The following PPARA variants were observed in gnomAD, a reference collection of about 807,000 sequenced individuals.
PPARA encodes peroxisome proliferator activated receptor alpha, also known as peroxisome proliferator-activated receptor alpha.
A neutral mutation model predicts 42.2 loss-of-function variants in PPARA; 22 were observed. The observed-to-expected ratio is 0.52, with a 90% CI of 0.37 to 0.74. PPARA has a LOEUF of 0.74. PPARA is among the 30% of genes least tolerant of loss of function. PPARA has a pLI of 0.00. For missense variants in PPARA, 465 were observed against 608.2 expected (o/e 0.76, Z 2.48); for synonymous variants, 242 against 239.3 (o/e 1.01, Z -0.10).
At position 46,234,789 on chromosome 22, in the gene PPARA, C is replaced by T. The variant is rs921479148; in HGVS notation, c.1160-344C>T. On this transcript the variant is annotated intron_variant, in intron 8 of 8. Coordinates refer to ENST00000407236, the MANE Select transcript of PPARA (RefSeq NM_005036.6). This position sits in a 1 kb window ranked among gnomAD's most constrained non-coding sequence, Gnocchi z 5.8. Reference sequence around the variant, plus strand: ...ATGCAAAACTGGTGGTTGTGATCTCCAGAATGTACTGTTCCTCCTACTAGC... The same window carrying T: ...ATGCAAAACTGGTGGTTGTGATCTCTAGAATGTACTGTTCCTCCTACTAGC... Among the ~76,000 whole-genome samples, 1 of 152,170 alleles carries T rather than the reference C, an allele frequency of 6.6e-6. No individual in the cohort carries two copies. The highest frequency in any genetic ancestry group is 1.5e-5 in the Non-Finnish European group (1 of 68,018).
rs34716781 is a variant in PPARA, at chr22:46,224,971, T to TG, written c.711+4966dup. 2.4e-3 allele frequency among the ~76,000 whole-genome samples: 329 copies of TG among 139,962 alleles called. 1 individual carries two copies. The Middle Eastern group carries it at 0.034, about 15-fold the overall frequency. The allele number at this position is 139,962 out of a possible 152,430, so 91.8% of individuals were successfully genotyped here. Reference sequence around the variant, plus strand: ...GCTGAGCTGGAACAGGCTAGAATGCTGGGGGGGGGCCTGAAACCGGTGGGG... The same window carrying TG: ...GCTGAGCTGGAACAGGCTAGAATGCTGGGGGGGGGGCCTGAAACCGGTGGGG... On this transcript the variant is annotated intron_variant, in intron 7 of 8. Transcript: ENST00000407236. This position sits in a 1 kb window ranked among gnomAD's most constrained non-coding sequence, Gnocchi z 5.7.
chr22:46,184,378 A>G lies in PPARA; in HGVS notation c.-43+7542A>G, dbSNP rs1334650893. 6.6e-6 allele frequency among the ~76,000 whole-genome samples: 1 copy of G among 152,238 alleles called. No individual in the cohort carries two copies. The highest frequency in any genetic ancestry group is 1.5e-5 in the Non-Finnish European group (1 of 68,040). ...CAAGTACCATGGGGAGACAGAGTCC[A>G]GAATCTCAGAGAGAGACACAGTTAC... On this transcript the variant is annotated intron_variant, in intron 3 of 8. Coordinates refer to ENST00000407236, the MANE Select transcript of PPARA (RefSeq NM_005036.6). The surrounding 1 kb of genome is among the most constrained non-coding windows in gnomAD (Gnocchi z 4.4).
Position 46,190,833 on chromosome 22 carries a change from A to C in PPARA, c.-42-7509A>C, listed in dbSNP as rs1931439860. On this transcript the variant is annotated intron_variant, in intron 3 of 8. Transcript: ENST00000407236. This position sits in a 1 kb window ranked among gnomAD's most constrained non-coding sequence, Gnocchi z 5.6. ...TGAGTGTCTGATCACATAGAATATA[A>C]AGATGTTTTGATAGTTGGGACAGTA... is the stretch of plus-strand genomic sequence containing the variant. Among the ~76,000 whole-genome samples, 1 of 152,176 alleles carries C rather than the reference A, an allele frequency of 6.6e-6. No homozygotes were observed. Among genetic ancestry groups the C allele is most frequent in the South Asian group, 2.1e-4 (1 of 4,834 alleles).
rs60894989 is a variant in PPARA, at chr22:46,217,819, C to CTTTTTTTTT, written c.370-423_370-415dup. Among the ~76,000 whole-genome samples the CTTTTTTTTT allele has an allele frequency of 2.0e-3, 153 of 77,066 alleles. 19 individuals carry two copies. Among genetic ancestry groups the CTTTTTTTTT allele is most frequent in the African/African-American group, 7.3e-3 (118 of 16,196 alleles). 50.6% of individuals were successfully genotyped at this position (77,066 alleles called of 152,430 possible). A position where few individuals can be genotyped will look rare whatever the true frequency, so the allele number is the denominator to read the frequency against. On this transcript the variant is annotated intron_variant, in intron 5 of 8. Transcript: ENST00000407236. The stretch of plus-strand genomic sequence containing the variant: ...GACTTCTTAGAAGAACTATTTCTTT[C>CTTTTTTTTT]TTTTTTTTTTTTTTTTTTTTTTTTT...
chr22:46,197,008 A>C (rs1932321132), intron 3 of PPARA, among the ~76,000 whole-genome samples: 1 of 151,504 alleles, frequency 6.6e-6, no homozygotes, highest in Non-Finnish European at 1.5e-5. Context: ...GGCATGAGCC[A>C]CTGCACCCGA....
rs1930380815 is a variant in PPARA at position 46,184,423 on chromosome 22, G to A, written c.-43+7587G>A. 6.6e-6 allele frequency among the ~76,000 whole-genome samples: 1 copy of A among 152,166 alleles called. No homozygotes were observed. ...AGTTACCTTTTAGTTACACTAATGG[G>A]GAAAACAGGAGCTTTGCTACCCTTG... On this transcript the variant is annotated intron_variant, in intron 3 of 8. Transcript: ENST00000407236. The surrounding 1 kb of genome is among the most constrained non-coding windows in gnomAD (Gnocchi z 4.4).
chr22:46,238,619 C>T lies in PPARA; in HGVS notation c.*3239C>T, dbSNP rs41418950. 6 of 152,368 alleles carry T rather than the reference C, an allele frequency of 3.9e-5. No individual in the cohort carries two copies. Among genetic ancestry groups the T allele is most frequent in the Admixed American group, 2.0e-4 (3 of 15,300 alleles). 9.4% of individuals were successfully genotyped at this position (152,368 alleles called of 1,614,324 possible). Reference sequence around the variant, plus strand: ...CAGAGACCTAACAGCCTTGGTCTACCGTGCTGACCAGGGTGAAGGCACGGC... The same window carrying T: ...CAGAGACCTAACAGCCTTGGTCTACTGTGCTGACCAGGGTGAAGGCACGGC... On this transcript the variant is annotated 3_prime_UTR_variant, in exon 9 of 9. Transcript: ENST00000407236. The surrounding 1 kb of genome is among the most constrained non-coding windows in gnomAD (Gnocchi z 8.3).
chr22:46,151,412 TG>T (rs1368878032), intron 1 of PPARA, among the ~76,000 whole-genome samples: 2 of 152,118 alleles, frequency 1.3e-5, no homozygotes, highest in Non-Finnish European at 1.5e-5. Flanking sequence ...GCGGCCCGCG[TG>T]GTGCGGGTGA....
chr22:46,231,650 G>A lies in PPARA; in HGVS notation c.712-142G>A. ...CCAACCGATTTTGAAGTTGAGTAAG[G>A]ACTATGTTCCGCGGGTATCTTGAGT... On this transcript the variant is annotated intron_variant, in intron 7 of 8. Transcript: ENST00000407236. The surrounding 1 kb of genome is among the most constrained non-coding windows in gnomAD (Gnocchi z 7.7). The A allele has an allele frequency of 1.2e-6, 1 of 815,568 alleles. No individual in the cohort carries two copies. The highest frequency in any genetic ancestry group is 2.1e-6 in the Non-Finnish European group (1 of 483,130). 50.5% of individuals were successfully genotyped at this position (815,568 alleles called of 1,614,324 possible).
At position 46,187,918 on chromosome 22, in the gene PPARA, G is replaced by A. The variant is rs991537791; in HGVS notation, c.-42-10424G>A. On this transcript the variant is annotated intron_variant, in intron 3 of 8. Transcript: ENST00000407236. This position sits in a 1 kb window ranked among gnomAD's most constrained non-coding sequence, Gnocchi z 4.9. ...AAAGGACACTGCCTAACTTACAAATGAGGTCTACCTTAAGAGGCTTTGCAG... is the reference window on the plus strand; with the variant it reads ...AAAGGACACTGCCTAACTTACAAATAAGGTCTACCTTAAGAGGCTTTGCAG... 6.6e-6 allele frequency among the ~76,000 whole-genome samples: 1 copy of A among 152,204 alleles called. No homozygotes were observed. Among genetic ancestry groups the A allele is most frequent in the Admixed American group, 6.5e-5 (1 of 15,276 alleles).
Position 46,193,388 on chromosome 22 carries a change from C to T in PPARA, c.-42-4954C>T, listed in dbSNP as rs555056728. On this transcript the variant is annotated intron_variant, in intron 3 of 8. Transcript: ENST00000407236. The surrounding 1 kb of genome is among the most constrained non-coding windows in gnomAD (Gnocchi z 5.3). ...GCCACTGTTTGATAGCATAATAGGG[C>T]GACTATAGTCAATAATAACTTAATG... Among the ~76,000 whole-genome samples, 5 of 152,074 alleles carry T rather than the reference C, an allele frequency of 3.3e-5. No homozygotes were observed. Among genetic ancestry groups the T allele is most frequent in the East Asian group, 1.9e-4 (1 of 5,172 alleles).
chr22:46,169,295 C>T (rs767591579), intron 2 of PPARA, among the ~76,000 whole-genome samples: 6 of 151,838 alleles, frequency 4.0e-5, no homozygotes, highest in Admixed American at 1.3e-4. Context: ...GGTGCAGTGG[C>T]GCAATCTCGG....
chr22:46,153,192 A>C (rs1358279439), intron 2 of PPARA, among the ~76,000 whole-genome samples: 1 of 88,376 alleles, frequency 1.1e-5, no homozygotes, highest in Non-Finnish European at 2.2e-5. Context: ...TTTTTGTGAC[A>C]GAGTTTTGCT....
chr22:46,174,393 A>G (rs1179058814), intron 2 of PPARA, among the ~76,000 whole-genome samples: 1 of 152,032 alleles, frequency 6.6e-6, no homozygotes, highest in Non-Finnish European at 1.5e-5. Flanking sequence ...ACTTCCAAAT[A>G]AAAAGTTAAA....
rs777968163 is a variant in PPARA, at chr22:46,218,243, A to G, written c.370-20A>G. On this transcript the variant is annotated intron_variant, in intron 5 of 8. Coordinates refer to ENST00000407236, the MANE Select transcript of PPARA (RefSeq NM_005036.6). ...CTCAGTGGCCCAGGTCTTTAAATCC[A>G]CTGTGTATTACCCTCACAGGGCTTC... is the stretch of plus-strand genomic sequence containing the variant. 9 of 1,612,532 alleles carry G rather than the reference A, an allele frequency of 5.6e-6. No individual in the cohort carries two copies. The highest frequency in any genetic ancestry group is 7.6e-6 in the Non-Finnish European group (9 of 1,179,958).
chr22:46,155,009 A>C (rs1258668917), intron 2 of PPARA: 3 of 141,324 alleles, frequency 2.1e-5, no homozygotes, highest in Non-Finnish European at 3.0e-5. Context: ...AAAAAAAAAA[A>C]AAAAAAAAAA....
rs1379522215 is a variant in PPARA at position 46,162,315 on chromosome 22, T to C, written c.-127+10345T>C. Among the ~76,000 whole-genome samples the C allele has an allele frequency of 1.3e-5, 2 of 152,290 alleles. No homozygotes were observed. Among genetic ancestry groups the C allele is most frequent in the Non-Finnish European group, 2.9e-5 (2 of 68,014 alleles). The stretch of plus-strand genomic sequence containing the variant: ...CAATGTTTATGGGATGAGAGGTTGA[T>C]AGGAGGGCATGGCCCTGACATTCCA... On this transcript the variant is annotated intron_variant, in intron 2 of 8. Coordinates refer to ENST00000407236, the MANE Select transcript of PPARA (RefSeq NM_005036.6). The surrounding 1 kb of genome is among the most constrained non-coding windows in gnomAD (Gnocchi z 6.0).
In PPARA at chr22:46,237,605, C is replaced by T. The variant is rs553147059; in HGVS notation, c.*2225C>T. On this transcript the variant is annotated 3_prime_UTR_variant, in exon 9 of 9. Transcript: ENST00000407236. The surrounding 1 kb of genome is among the most constrained non-coding windows in gnomAD (Gnocchi z 6.7). ...AGAGTTAGATTCCACCCTCTCCCAC[C>T]CCGGCAAAAAAAAAAAAAAAAGATG... 1 of 146,574 alleles carries T rather than the reference C, an allele frequency of 6.8e-6. No homozygotes were observed. The highest frequency in any genetic ancestry group is 2.7e-5 in the African/African-American group (1 of 37,566). The allele number at this position is 146,574 out of a possible 1,614,324, so 9.1% of individuals were successfully genotyped here. A position where few individuals can be genotyped will look rare whatever the true frequency, so the allele number is the denominator to read the frequency against.
Position 46,231,910 on chromosome 22 carries a change from A to G in PPARA, c.830A>G (p.Gln277Arg). ...EAEVRIFHCCQCTSVETVTEL... is the reference protein window; with the variant it reads ...EAEVRIFHCCRCTSVETVTEL... ...GAGGTCCGCATCTTTCACTGCTGCCAGTGCACGTCAGTGGAGACCGTCACG... is the reference window on the plus strand; with the variant it reads ...GAGGTCCGCATCTTTCACTGCTGCCGGTGCACGTCAGTGGAGACCGTCACG... Residue 277 changes from glutamine (Q) to arginine (R), a missense_variant, in exon 8 of 9, where the codon CAG becomes CGG. By Grantham distance (43) the Gln-to-Arg change is conservative. Around this residue, in one of 2 missense-constraint regions of PPARA, gnomAD observed 313 missense variants for 469.1 expected, o/e 0.67. Transcript: ENST00000407236. This position sits in a 1 kb window ranked among gnomAD's most constrained non-coding sequence, Gnocchi z 7.7. 1 of 1,614,180 alleles carries G rather than the reference A, an allele frequency of 6.2e-7. No homozygotes were observed. The highest frequency in any genetic ancestry group is 8.5e-7 in the Non-Finnish European group (1 of 1,179,994).
Sources: allele counts gnomAD v4.1 joint callset (sites outside exome capture counted in the v4.1 genomes callset), GRCh38; gene constraint gnomAD v4.1.1; regional missense constraint gnomAD v4.1.1; non-coding constraint Gnocchi (gnomAD v3.1); transcripts MANE v1.5; gene names NCBI Gene and HGNC (gene_info 2026-07-23, HGNC 2026-07-21).